INTS9: variants seen among roughly 807,000 people sequenced by gnomAD.
INTS9 encodes the protein integrator complex subunit 9.
In INTS9, 55 loss-of-function variants were observed where a neutral mutation model predicts 79.7. The observed-to-expected ratio is 0.69, with a 90% CI of 0.56 to 0.86. INTS9 has a LOEUF of 0.86. Ranked by LOEUF, INTS9 falls within the 40% of genes least tolerant of loss-of-function variation. The probability of loss-of-function intolerance (pLI) is 0.00; values close to 1 mark genes in which losing one functional copy is unlikely to be tolerated. For synonymous variants in INTS9, 319 were observed against 325.2 expected, an observed-to-expected ratio of 0.98 and a Z score of 0.20; for missense variants, 721 against 831.5, an observed-to-expected ratio of 0.87 and a Z score of 1.64.
intron 2 of INTS9, among the ~76,000 whole-genome samples, chr8:28,854,212 T>C (rs895954162): frequency 7.9e-5 from 12 of 152,112 alleles, no homozygotes; most frequent in Non-Finnish European, 1.8e-4. Flanking sequence ...AATCAGAAAA[T>C]AATAGTGAAA....
At position 28,793,858 on chromosome 8, in the gene INTS9, A is replaced by G. The variant is rs751903028; in HGVS notation, c.986T>C (p.Ile329Thr). ...AGLSSVPLYF[I>T]SPVANSSLEF... ...CAGTGAACTGTTGGCCACAGGGGAGATGAAGTAGAGGGGGACGCTGGAAAG... is the reference window on the plus strand; with the variant it reads ...CAGTGAACTGTTGGCCACAGGGGAGGTGAAGTAGAGGGGGACGCTGGAAAG... Residue 329 changes from isoleucine to threonine, a missense_variant, in exon 10 of 17, where the codon ATC (isoleucine) becomes ACC (threonine). Coordinates refer to ENST00000521022, the MANE Select transcript of INTS9 (RefSeq NM_018250.4). 9 of 1,613,342 alleles carry G rather than the reference A, an allele frequency of 5.6e-6. No individual in the cohort carries two copies. In the East Asian group the frequency reaches 2.0e-4, roughly 36 times the overall value.
rs35799882 is a variant in INTS9, at chr8:28,884,168, C to CTTTTTT, written c.9+5700_9+5705dup. Among the ~76,000 whole-genome samples the CTTTTTT allele has an allele frequency of 1.1e-3, 54 of 46,982 alleles. 3 individuals carry two copies. Among genetic ancestry groups the CTTTTTT allele is most frequent in the Non-Finnish European group, 1.5e-3 (41 of 27,366 alleles). 30.8% of individuals were successfully genotyped at this position (46,982 alleles called of 152,430 possible). ...TACCAAAAGTCTGTCATCAGTGTAT[C>CTTTTTT]TTTTTTTTTTTTTTTTTTTTTTTTT... On this transcript the variant is annotated intron_variant, in intron 1 of 16. Transcript: ENST00000521022.
intron 11 of INTS9, among the ~76,000 whole-genome samples, chr8:28,787,061 T>A (rs1246823919): frequency 1.3e-5 from 2 of 152,060 alleles, no homozygotes; most frequent in Non-Finnish European, 2.9e-5. Context: ...TTAGAGAATC[T>A]TTGAGTGAAA....
chr8:28,881,392 C>T (rs1809785192), intron 1 of INTS9, among the ~76,000 whole-genome samples: 3 of 141,470 alleles, frequency 2.1e-5, no homozygotes, highest in Non-Finnish European at 4.6e-5. Context: ...TGAGGAGCCC[C>T]TCTGCCCGGC....
At chr8:28,825,894 A>G (rs1585420946) in intron 6 of INTS9, among the ~76,000 whole-genome samples, 1 of 152,356 alleles carries the variant, frequency 6.6e-6, no homozygotes, top group Middle Eastern at 3.4e-3. Context: ...AGATCCAGGT[A>G]TATTTCAGCC....
At chr8:28,888,519 C>G (rs1183551141) in intron 1 of INTS9, among the ~76,000 whole-genome samples, 1 of 152,208 alleles carries the variant, frequency 6.6e-6, no homozygotes, top group Non-Finnish European at 1.5e-5. Flanking sequence ...CACTGCACTT[C>G]AGTCTGGGCC....
At chr8:28,788,300 T>G (rs1158032878) in intron 10 of INTS9, among the ~76,000 whole-genome samples, 2 of 152,212 alleles carry the variant, frequency 1.3e-5, no homozygotes, top group East Asian at 3.8e-4. Flanking sequence ...TTCACTAGTT[T>G]TTCCAATCAT....
At chr8:28,819,515 A>G (rs1224646790) in intron 6 of INTS9, among the ~76,000 whole-genome samples, 1 of 152,192 alleles carries the variant, frequency 6.6e-6, no homozygotes, top group Non-Finnish European at 1.5e-5. Flanking sequence ...GTTGTCTGAG[A>G]GACAGTTTGT....
intron 5 of INTS9, among the ~76,000 whole-genome samples, chr8:28,836,114 A>G (rs1806793255): frequency 6.6e-6 from 1 of 152,172 alleles, no homozygotes; most frequent in Non-Finnish European, 1.5e-5. Context: ...GGCCAGCCTA[A>G]ATGAACATTT....
intron 8 of INTS9, among the ~76,000 whole-genome samples, chr8:28,810,614 C>G (rs1805058988): frequency 6.6e-6 from 1 of 152,122 alleles, no homozygotes; most frequent in African/African-American, 2.4e-5. Context: ...CTCTCTCTCT[C>G]TCTCTCCGTA....
chr8:28,818,245 T>C (rs1441011868), intron 6 of INTS9, among the ~76,000 whole-genome samples: 2 of 145,558 alleles, frequency 1.4e-5, no homozygotes, highest in African/African-American at 5.1e-5. Flanking sequence ...TCAAAGGGAA[T>C]GCTTCCAGTT....
At position 28,871,708 on chromosome 8, in the gene INTS9, G is replaced by A. The variant is rs531008024; in HGVS notation, c.10-12145C>T. Among the ~76,000 whole-genome samples the A allele has an allele frequency of 2.0e-5, 3 of 152,162 alleles. No homozygotes were observed. The East Asian group carries it at 5.8e-4, about 29-fold the overall frequency. The stretch of plus-strand genomic sequence containing the variant: ...GGTGTGAGCCATCATGCCTGACCTA[G>A]GAAAGAACTTTTAAGGCATGATCCT... On this transcript the variant is annotated intron_variant, in intron 1 of 16. Transcript: ENST00000521022.
intron 8 of INTS9, chr8:28,798,690 CT>C (rs1804349855): frequency 6.6e-6 from 1 of 152,030 alleles, no homozygotes. Flanking sequence ...GTAGAGAAAA[CT>C]TTTCACCATG....
At position 28,780,895 on chromosome 8, in the gene INTS9, G is replaced by GTTCC; in HGVS notation, c.1197_1198insGGAA (p.Leu400GlyfsTer18). ...AAGTGGACCACGTCCCCGAAGCGGAGGGAAGGGTGCCCGGTGAACACCACA... is the reference window on the plus strand; with the variant it reads ...AAGTGGACCACGTCCCCGAAGCGGAGTTCCGGAAGGGTGCCCGGTGAACACCACA... On this transcript the variant is annotated frameshift_variant, in exon 12 of 17. Transcript: ENST00000521022. LOFTEE classifies it high-confidence loss of function. The GTTCC allele has an allele frequency of 6.2e-7, 1 of 1,614,190 alleles. No individual in the cohort carries two copies. Among genetic ancestry groups the GTTCC allele is most frequent in the Non-Finnish European group, 8.5e-7 (1 of 1,180,042 alleles).
chr8:28,850,714 T>A (rs907889400), intron 2 of INTS9, among the ~76,000 whole-genome samples: 4 of 152,176 alleles, frequency 2.6e-5, no homozygotes, highest in African/African-American at 9.7e-5. Flanking sequence ...TATCTTCCCA[T>A]CAGCATTCAC....
chr8:28,781,528 C>T (rs1236214817), intron 11 of INTS9, among the ~76,000 whole-genome samples: 3 of 152,122 alleles, frequency 2.0e-5, no homozygotes, highest in Non-Finnish European at 4.4e-5. Flanking sequence ...ATTGCTAAAA[C>T]GTGGAAACAA....
chr8:28,831,298 C>T (rs1243730636), intron 6 of INTS9, among the ~76,000 whole-genome samples: 1 of 152,140 alleles, frequency 6.6e-6, no homozygotes, highest in Non-Finnish European at 1.5e-5. Context: ...CACACTGGGG[C>T]CTCTCAGGGA....
intron 1 of INTS9, among the ~76,000 whole-genome samples, chr8:28,865,805 C>T (rs189906759): frequency 6.6e-6 from 1 of 152,314 alleles, no homozygotes; most frequent in Non-Finnish European, 1.5e-5. Flanking sequence ...TCGTCTTTCA[C>T]AACTGTGAAA....
chr8:28,769,666 G>T, intron 16 of INTS9: 1 of 553,240 alleles, frequency 1.8e-6, no homozygotes, highest in Admixed American at 3.4e-5. Context: ...AGTCTGGAGA[G>T]GCCTTCTGGT....
Sources: allele counts gnomAD v4.1 joint callset (sites outside exome capture counted in the v4.1 genomes callset), GRCh38; gene constraint gnomAD v4.1.1; transcripts MANE v1.5; gene names NCBI Gene and HGNC (gene_info 2026-07-23, HGNC 2026-07-21).